Variants in AGAP1 observed in about 807,000 individuals in gnomAD.
The protein encoded by AGAP1 is arf-GAP with GTPase, ANK repeat and PH domain-containing protein 1.
A neutral mutation model predicts 105.3 loss-of-function variants in AGAP1; 29 were observed. That is an observed-to-expected ratio of 0.28 (90% CI 0.21 to 0.38). AGAP1 has a LOEUF of 0.38. Ranked by LOEUF, AGAP1 falls within the 10% of genes least tolerant of loss-of-function variation. The pLI, the probability that AGAP1 is intolerant of heterozygous loss-of-function variation, is 1.00. For synonymous variants in AGAP1, 509 were observed against 485.9 expected, an observed-to-expected ratio of 1.05 and a Z score of -0.63; for missense variants, 998 against 1,165.1, an observed-to-expected ratio of 0.86 and a Z score of 2.09.
Position 235,893,007 on chromosome 2 carries a change from A to C in AGAP1, c.1155+9558A>C, listed in dbSNP as rs79705940. On this transcript the variant is annotated intron_variant, in intron 10 of 17. Coordinates refer to ENST00000304032, the MANE Select transcript of AGAP1 (RefSeq NM_001037131.3). The surrounding 1 kb of genome is among the most constrained non-coding windows in gnomAD (Gnocchi z 4.7). Reference sequence around the variant, plus strand: ...GCTGCAGAAGGCGTGATTCATCTTAAGATCAAAAATTATTTCATCTTGCTT... The same window carrying C: ...GCTGCAGAAGGCGTGATTCATCTTACGATCAAAAATTATTTCATCTTGCTT... Among the ~76,000 whole-genome samples the C allele has an allele frequency of 6.6e-6, 1 of 152,204 alleles. No individual in the cohort carries two copies. The highest frequency in any genetic ancestry group is 2.4e-5 in the African/African-American group (1 of 41,436).
intron 3 of AGAP1, among the ~76,000 whole-genome samples, chr2:235,738,225 T>G (rs1236557891): frequency 1.3e-5 from 2 of 151,874 alleles, no homozygotes; most frequent in Non-Finnish European, 2.9e-5. Flanking sequence ...AGAGGGAGAT[T>G]AAAAACACTT....
rs1383791939 is a variant in AGAP1 at position 235,957,652 on chromosome 2, A to G, written c.1484-10810A>G. ...ACTCACCTTTTAACAGAGACCCAGGATGTTGTGATTTCCTTGGATGGCAAA... is the reference window on the plus strand; with the variant it reads ...ACTCACCTTTTAACAGAGACCCAGGGTGTTGTGATTTCCTTGGATGGCAAA... On this transcript the variant is annotated intron_variant, in intron 12 of 17. Transcript: ENST00000304032. This position sits in a 1 kb window ranked among gnomAD's most constrained non-coding sequence, Gnocchi z 4.6. 6.6e-6 allele frequency among the ~76,000 whole-genome samples: 1 copy of G among 152,206 alleles called. No individual in the cohort carries two copies. Among genetic ancestry groups the G allele is most frequent in the African/African-American group, 2.4e-5 (1 of 41,450 alleles).
At chr2:235,775,925 G>GT (rs989168788) in intron 6 of AGAP1, 6 of 152,162 alleles carry the variant, frequency 3.9e-5, no homozygotes, top group African/African-American at 1.2e-4. Context: ...CCTTTTAAGC[G>GT]TTTAAGTTTT....
At chr2:235,999,504 G>A (rs1007945992) in intron 13 of AGAP1, among the ~76,000 whole-genome samples, 62 of 145,094 alleles carry the variant, frequency 4.3e-4, no homozygotes, top group Admixed American at 6.8e-4. Flanking sequence ...GGTGGTGGTA[G>A]TGGTGATGGT....
intron 16 of AGAP1, among the ~76,000 whole-genome samples, chr2:236,084,936 C>T (rs752694735): frequency 1.3e-5 from 2 of 151,578 alleles, no homozygotes; most frequent in Non-Finnish European, 2.9e-5. Context: ...TTTTTTAGGC[C>T]GGGCACGGTG....
intron 1 of AGAP1, among the ~76,000 whole-genome samples, chr2:235,511,431 C>T (rs1257795537): frequency 6.6e-6 from 1 of 152,100 alleles, no homozygotes; most frequent in Admixed American, 6.5e-5. Context: ...TCAGCCAGCT[C>T]CTGGCCCTCA....
intron 1 of AGAP1, among the ~76,000 whole-genome samples, chr2:235,646,809 C>T (rs10174071): frequency 0.37 from 56,182 of 152,068 alleles, 10,576 homozygotes; most frequent in Middle Eastern, 0.44. Context: ...GTGGAGGGGC[C>T]GGGCTCCAAG....
chr2:235,731,918 C>T lies in AGAP1; in HGVS notation c.311-9045C>T, dbSNP rs146256465. 6.3e-3 allele frequency among the ~76,000 whole-genome samples: 966 copies of T among 152,230 alleles called. 17 individuals are homozygous for T. Among genetic ancestry groups the T allele is most frequent in the African/African-American group, 0.022 (921 of 41,518 alleles). ...TCCTACAACCTGAGCCAACAACACC[C>T]CATCACTTCACCCCAAAGTGCGCAG... is the stretch of plus-strand genomic sequence containing the variant. On this transcript the variant is annotated intron_variant, in intron 3 of 17. Coordinates refer to ENST00000304032, the MANE Select transcript of AGAP1 (RefSeq NM_001037131.3).
rs1447986364 is a variant in AGAP1, at chr2:235,787,089, C to T, written c.674-10670C>T. Among the ~76,000 whole-genome samples, 1 of 152,230 alleles carries T rather than the reference C, an allele frequency of 6.6e-6. No individual in the cohort carries two copies. Among genetic ancestry groups the T allele is most frequent in the Non-Finnish European group, 1.5e-5 (1 of 68,044 alleles). On this transcript the variant is annotated intron_variant, in intron 6 of 17. Transcript: ENST00000304032. This position sits in a 1 kb window ranked among gnomAD's most constrained non-coding sequence, Gnocchi z 4.4. ...GCTCAGAGTCGAGCTGGCCTGGGGC[C>T]GTGGCCCCACAGGCTTGTGATCAGT... is the stretch of plus-strand genomic sequence containing the variant.
intron 1 of AGAP1, among the ~76,000 whole-genome samples, chr2:235,630,185 TATTTTAGTGGAATTCCTCCTAA>T (rs1282240193): frequency 1.3e-5 from 2 of 152,296 alleles, no homozygotes; most frequent in East Asian, 3.9e-4. Context: ...CGATTGTTAA[TATTTTAGTGGAATTCCTCCTAA>T]ACGTCTTTCT....
chr2:235,579,708 G>A (rs1944864744), intron 1 of AGAP1, among the ~76,000 whole-genome samples: 1 of 151,968 alleles, frequency 6.6e-6, no homozygotes, highest in Admixed American at 6.6e-5. Context: ...CCCAGGAGGA[G>A]GAGCTTGCAG....
At chr2:235,727,492 T>C (rs1387583540) in intron 3 of AGAP1, among the ~76,000 whole-genome samples, 1 of 152,214 alleles carries the variant, frequency 6.6e-6, no homozygotes, top group Non-Finnish European at 1.5e-5. Flanking sequence ...AAGTGTCTCC[T>C]TGTGACTTTT....
chr2:235,693,549 C>T (rs903434606), intron 1 of AGAP1, among the ~76,000 whole-genome samples: 9 of 152,150 alleles, frequency 5.9e-5, no homozygotes, highest in South Asian at 4.1e-4. Flanking sequence ...GAAGGCATTG[C>T]GGAAAGCTCT....
At chr2:235,917,465 T>TCTCGTCCTCTTTCTCC (rs1282511792) in intron 11 of AGAP1, among the ~76,000 whole-genome samples, 6 of 152,294 alleles carry the variant, frequency 3.9e-5, no homozygotes, top group South Asian at 2.1e-4. Context: ...CCTCTTTCTC[T>TCTCGTCCTCTTTCTCC]CTCGTCCTCT....
rs1953773485 is a variant in AGAP1 at position 235,754,761 on chromosome 2, G to A, written c.673+4273G>A. 6.6e-6 allele frequency among the ~76,000 whole-genome samples: 1 copy of A among 152,222 alleles called. No homozygotes were observed. The highest frequency in any genetic ancestry group is 1.5e-5 in the Non-Finnish European group (1 of 68,034). ...TGAGCACCAGCTTCCCACACACTGTGCGTCTGGTCAGGGGCTAGAGGCAGA... is the reference window on the plus strand; with the variant it reads ...TGAGCACCAGCTTCCCACACACTGTACGTCTGGTCAGGGGCTAGAGGCAGA... On this transcript the variant is annotated intron_variant, in intron 6 of 17. Transcript: ENST00000304032. The surrounding 1 kb of genome is among the most constrained non-coding windows in gnomAD (Gnocchi z 4.6).
intron 12 of AGAP1, 69 bp from the exon 13 acceptor site, chr2:235,968,393 G>A (rs1001509762): frequency 1.8e-5 from 28 of 1,528,130 alleles, no homozygotes; most frequent in South Asian, 1.6e-4. Context: ...CTGTTTCTGC[G>A]CATTCTGCTT....
chr2:235,742,625 T>C (rs900782120), intron 4 of AGAP1, among the ~76,000 whole-genome samples: 4 of 152,168 alleles, frequency 2.6e-5, no homozygotes, highest in African/African-American at 7.2e-5. Flanking sequence ...AAAAGTCAGC[T>C]CTTTCTTAGT....
chr2:235,893,170 G>A lies in AGAP1; in HGVS notation c.1155+9721G>A, dbSNP rs1013423203. Among the ~76,000 whole-genome samples the A allele has an allele frequency of 7.9e-5, 12 of 151,120 alleles. No homozygotes were observed. Among genetic ancestry groups the A allele is most frequent in the African/African-American group, 1.7e-4 (7 of 41,070 alleles). On this transcript the variant is annotated intron_variant, in intron 10 of 17. Coordinates refer to ENST00000304032, the MANE Select transcript of AGAP1 (RefSeq NM_001037131.3). The surrounding 1 kb of genome is among the most constrained non-coding windows in gnomAD (Gnocchi z 4.7). ...TGCACCGTGTCCATCATAAGGGAGC[G>A]CTGTGTCTTTGGCGCGGGTGTGGCG...
chr2:235,985,043 G>A (rs2055254615), intron 13 of AGAP1, among the ~76,000 whole-genome samples: 1 of 152,122 alleles, frequency 6.6e-6, no homozygotes, highest in Non-Finnish European at 1.5e-5. Context: ...CTTCCGCAAT[G>A]GTTGAACTAA....
Sources: allele counts gnomAD v4.1 joint callset (sites outside exome capture counted in the v4.1 genomes callset), GRCh38; gene constraint gnomAD v4.1.1; non-coding constraint Gnocchi (gnomAD v3.1); transcripts MANE v1.5; gene names NCBI Gene and HGNC (gene_info 2026-07-23, HGNC 2026-07-21).